Variants in NBAS observed in about 807,000 individuals in gnomAD.
NBAS encodes NBAS subunit of NRZ tethering complex.
Under a neutral mutation model 302.5 loss-of-function variants are expected in NBAS, and 219 were observed. The ratio of observed to expected loss-of-function variants is 0.72; its 90% CI spans 0.65 to 0.81. The LOEUF is 0.81. NBAS is among the 30% of genes least tolerant of loss of function. The probability of loss-of-function intolerance (pLI) is 0.00; values close to 1 mark genes in which losing one functional copy is unlikely to be tolerated. For synonymous variants in NBAS, 1,118 were observed against 1,021.6 expected (o/e 1.09, Z -1.80); for missense variants, 2,932 against 2,841.6 (o/e 1.03, Z -0.72).
At chr2:14,779,391 C>T in the NBAS span, among the ~76,000 whole-genome samples, 6 of 152,196 alleles carry the variant, frequency 3.9e-5, no homozygotes, top group East Asian at 1.9e-4. Flanking sequence ...CATCAGTCCT[C>T]TGCACCGTTT....
At chr2:14,947,938 T>C in the NBAS span, among the ~76,000 whole-genome samples, 1 of 151,844 alleles carries the variant, frequency 6.6e-6, no homozygotes, top group Non-Finnish European at 1.5e-5. Flanking sequence ...TTTGCATATG[T>C]TGAACCATTC....
intron 28 of NBAS, among the ~76,000 whole-genome samples, chr2:15,390,981 G>A (rs1027126342): frequency 1.3e-4 from 19 of 151,974 alleles, no homozygotes; most frequent in African/African-American, 3.4e-4. Flanking sequence ...GGCATGCAGC[G>A]TGCCTGTAAT....
intron 28 of NBAS, 35 bp from the exon 29 acceptor site, chr2:15,383,352 A>G (rs1395921838): frequency 6.4e-7 from 1 of 1,574,728 alleles, no homozygotes; most frequent in African/African-American, 1.3e-5. Flanking sequence ...AGGAAGAGGG[A>G]AAGAAAACAA....
intron 6 of NBAS, among the ~76,000 whole-genome samples, chr2:15,549,311 G>A (rs941872891): frequency 6.6e-6 from 1 of 152,156 alleles, no homozygotes; most frequent in Non-Finnish European, 1.5e-5. Context: ...AGTATAAAGT[G>A]TGGATTACTA....
rs1356577503 is a variant in NBAS, at chr2:15,542,111, C to A, written c.380-2755G>T. 1.9e-4 allele frequency among the ~76,000 whole-genome samples: 16 copies of A among 84,116 alleles called. 2 individuals are homozygous for A. The highest frequency in any genetic ancestry group is 6.9e-4 in the African/African-American group (16 of 23,170). The allele number at this position is 84,116 out of a possible 152,430, so 55.2% of individuals were successfully genotyped here. On this transcript the variant is annotated intron_variant, in intron 6 of 51. Transcript: ENST00000281513. Reference sequence around the variant, plus strand: ...GAGGAGCCCCTCTGCCTGGCCACCACCCCGTCTGGGAGGTGTACCCAACAG... The same window carrying A: ...GAGGAGCCCCTCTGCCTGGCCACCAACCCGTCTGGGAGGTGTACCCAACAG...
the NBAS span, among the ~76,000 whole-genome samples, chr2:15,102,522 T>A: frequency 6.6e-6 from 1 of 152,208 alleles, no homozygotes; most frequent in Non-Finnish European, 1.5e-5. Flanking sequence ...TCTGCTCTTA[T>A]CTAAATTCCC....
chr2:15,178,802 T>C lies in NBAS; in HGVS notation c.6840+186A>G, dbSNP rs3731994. Among the ~76,000 whole-genome samples the C allele has an allele frequency of 4.6e-3, 701 of 152,292 alleles. 20 individuals are homozygous for C. The highest frequency in any genetic ancestry group is 0.037 in the Admixed American group (561 of 15,300). The stretch of plus-strand genomic sequence containing the variant: ...AATCTGGTTCACGGGAAGAGCTTAG[T>C]AAGTGTTTGTAAAATAAACATACAC... On this transcript the variant is annotated intron_variant, in intron 51 of 51. Transcript: ENST00000281513.
At chr2:15,290,248 G>A (rs941591371) in intron 41 of NBAS, among the ~76,000 whole-genome samples, 3 of 152,134 alleles carry the variant, frequency 2.0e-5, no homozygotes, top group Non-Finnish European at 4.4e-5. Context: ...ATTCTTGTGT[G>A]CAAGACATTG....
the NBAS span, among the ~76,000 whole-genome samples, chr2:14,833,245 A>G: frequency 6.6e-6 from 1 of 152,284 alleles, no homozygotes; most frequent in African/African-American, 2.4e-5. Flanking sequence ...ACCCACTGAG[A>G]TTGAAAGCAG....
the NBAS span, among the ~76,000 whole-genome samples, chr2:15,098,894 G>T: frequency 6.6e-6 from 1 of 151,154 alleles, no homozygotes. Context: ...CAGATCCTGG[G>T]ATCCACAAAG....
intron 9 of NBAS, among the ~76,000 whole-genome samples, chr2:15,513,065 T>C (rs1236627761): frequency 1.3e-5 from 2 of 152,176 alleles, no homozygotes; most frequent in South Asian, 2.1e-4. Context: ...TTCAAAACTA[T>C]ACAAAATCCT....
At chr2:15,516,989 A>G (rs1010808757) in intron 9 of NBAS, among the ~76,000 whole-genome samples, 2 of 152,182 alleles carry the variant, frequency 1.3e-5, no homozygotes, top group East Asian at 1.9e-4. Flanking sequence ...AAATTGAAGC[A>G]ATCATTTTGG....
At chr2:15,029,230 T>C in the NBAS span, among the ~76,000 whole-genome samples, 1 of 152,168 alleles carries the variant, frequency 6.6e-6, no homozygotes, top group African/African-American at 2.4e-5. Context: ...CTCTAAAAAA[T>C]AGAAGGTAAG....
At chr2:14,784,821 T>C in the NBAS span, among the ~76,000 whole-genome samples, 2 of 152,340 alleles carry the variant, frequency 1.3e-5, no homozygotes, top group East Asian at 1.9e-4. Context: ...TGGTTCCATA[T>C]GAACTTTAAA....
the NBAS span, among the ~76,000 whole-genome samples, chr2:15,046,839 T>G: frequency 6.6e-6 from 1 of 152,174 alleles, no homozygotes. Flanking sequence ...AGGTGAATAC[T>G]GTGCCTTCAA....
At chr2:15,250,699 A>G (rs1668323141) in intron 44 of NBAS, among the ~76,000 whole-genome samples, 1 of 152,262 alleles carries the variant, frequency 6.6e-6, no homozygotes, top group African/African-American at 2.4e-5. Flanking sequence ...GCCAACAAGC[A>G]TATGAAAAAA....
At chr2:14,795,172 A>T in the NBAS span, among the ~76,000 whole-genome samples, 1 of 152,216 alleles carries the variant, frequency 6.6e-6, no homozygotes, top group East Asian at 1.9e-4. Context: ...TTGAAAAAAA[A>T]TTTTCAAAGT....
chr2:15,495,808 G>A (rs1681045273), intron 11 of NBAS, among the ~76,000 whole-genome samples: 1 of 152,110 alleles, frequency 6.6e-6, no homozygotes, highest in Admixed American at 6.5e-5. Context: ...TGGATGTGGA[G>A]ACAATGGAAA....
chr2:15,187,638 T>C (rs1338205521), intron 49 of NBAS, among the ~76,000 whole-genome samples: 1 of 152,220 alleles, frequency 6.6e-6, no homozygotes, highest in African/African-American at 2.4e-5. Context: ...AAAATTTCCA[T>C]TTCTATTGAC....
Sources: allele counts gnomAD v4.1 joint callset (sites outside exome capture counted in the v4.1 genomes callset), GRCh38; gene constraint gnomAD v4.1.1; transcripts MANE v1.5; gene names NCBI Gene and HGNC (gene_info 2026-07-23, HGNC 2026-07-21).